Variants in MMP16 observed in about 807,000 individuals in gnomAD.
MMP16 encodes the protein matrix metallopeptidase 16.
MMP16 carries 12 observed loss-of-function variants against 67.8 expected under a neutral mutation model. The observed-to-expected ratio is 0.18, with a 90% CI of 0.11 to 0.29. The LOEUF is 0.29. Ranked by LOEUF, MMP16 falls within the 10% of genes least tolerant of loss-of-function variation. MMP16 has a pLI of 1.00. For synonymous variants in MMP16, 249 were observed against 255.9 expected, an observed-to-expected ratio of 0.97 and a Z score of 0.26; for missense variants, 475 against 765.7, an observed-to-expected ratio of 0.62 and a Z score of 4.48.
At chr8:88,208,470 G>T (rs1457725642) in intron 1 of MMP16, among the ~76,000 whole-genome samples, 1 of 151,990 alleles carries the variant, frequency 6.6e-6, no homozygotes, top group Non-Finnish European at 1.5e-5. Context: ...AAATTTCCTT[G>T]GTCACCAAGA....
chr8:88,188,561 T>C (rs1230143078), intron 2 of MMP16, among the ~76,000 whole-genome samples: 1 of 152,168 alleles, frequency 6.6e-6, no homozygotes, highest in Non-Finnish European at 1.5e-5. Context: ...CTTTAGTATG[T>C]ATAAAATTGA....
At chr8:88,061,685 G>A (rs1174126638) in intron 7 of MMP16, among the ~76,000 whole-genome samples, 2 of 151,768 alleles carry the variant, frequency 1.3e-5, no homozygotes, top group Admixed American at 1.3e-4. Context: ...GATAATGTGT[G>A]AAAAAAGAAA....
intron 1 of MMP16, among the ~76,000 whole-genome samples, chr8:88,284,014 C>T (rs1810784498): frequency 6.6e-6 from 1 of 152,198 alleles, no homozygotes; most frequent in Non-Finnish European, 1.5e-5. Context: ...GAGTCCTTGA[C>T]CTTTCATGAA....
chr8:88,052,180 C>A (rs766279510), intron 8 of MMP16, among the ~76,000 whole-genome samples: 8 of 152,156 alleles, frequency 5.3e-5, no homozygotes, highest in Non-Finnish European at 1.2e-4. Context: ...ACCTACTTGA[C>A]TTCTTCACTT....
intron 1 of MMP16, among the ~76,000 whole-genome samples, chr8:88,245,497 T>C (rs1297247024): frequency 6.6e-6 from 1 of 152,118 alleles, no homozygotes; most frequent in Non-Finnish European, 1.5e-5. Flanking sequence ...GCATTACCAC[T>C]AGAACTGCCT....
chr8:88,246,299 A>G (rs1418977151), intron 1 of MMP16, among the ~76,000 whole-genome samples: 1 of 152,202 alleles, frequency 6.6e-6, no homozygotes, highest in African/African-American at 2.4e-5. Context: ...TTCATTATAT[A>G]TAGAAAATTA....
chr8:88,119,319 G>A (rs1277403310), intron 4 of MMP16, among the ~76,000 whole-genome samples: 1 of 152,000 alleles, frequency 6.6e-6, no homozygotes, highest in Non-Finnish European at 1.5e-5. Flanking sequence ...GACAAGTCTT[G>A]TCAGGAACAG....
intron 1 of MMP16, among the ~76,000 whole-genome samples, chr8:88,312,562 T>C (rs1172699512): frequency 2.6e-5 from 4 of 152,132 alleles, no homozygotes; most frequent in African/African-American, 9.7e-5. Flanking sequence ...AATTAACATA[T>C]CCATTATCAG....
intron 1 of MMP16, among the ~76,000 whole-genome samples, chr8:88,272,505 G>C (rs930750190): frequency 4.7e-5 from 6 of 128,554 alleles, no homozygotes; most frequent in African/African-American, 1.6e-4. Flanking sequence ...TTAGGAGAGG[G>C]CTAAAACCTG....
intron 4 of MMP16, among the ~76,000 whole-genome samples, chr8:88,127,233 T>C (rs1220941582): frequency 1.3e-5 from 2 of 151,862 alleles, no homozygotes; most frequent in African/African-American, 4.8e-5. Flanking sequence ...GTGATTATTA[T>C]GTAGGAGATA....
chr8:88,083,995 T>A (rs1448508608), intron 6 of MMP16, among the ~76,000 whole-genome samples: 1 of 151,932 alleles, frequency 6.6e-6, no homozygotes, highest in Non-Finnish European at 1.5e-5. Context: ...TCCCTACTTT[T>A]CCCCCAATGG....
intron 1 of MMP16, among the ~76,000 whole-genome samples, chr8:88,257,131 T>C (rs139930378): frequency 1.8e-4 from 28 of 152,318 alleles, no homozygotes; most frequent in African/African-American, 5.3e-4. Flanking sequence ...GCTGAACATA[T>C]TGTTATTTCA....
intron 6 of MMP16, among the ~76,000 whole-genome samples, chr8:88,096,132 A>C (rs1231865862): frequency 6.6e-6 from 1 of 151,954 alleles, no homozygotes; most frequent in African/African-American, 2.4e-5. Context: ...TTTTGGTACA[A>C]ACTTATTTGG....
chr8:88,323,314 C>T (rs2130232939), intron 1 of MMP16, among the ~76,000 whole-genome samples: 1 of 152,182 alleles, frequency 6.6e-6, no homozygotes, highest in African/African-American at 2.4e-5. Flanking sequence ...CAAAAGTACC[C>T]AATGCAAACT....
chr8:88,125,180 G>C (rs1807906095), intron 4 of MMP16, among the ~76,000 whole-genome samples: 1 of 140,854 alleles, frequency 7.1e-6, no homozygotes. Context: ...AAGTCTGAAA[G>C]TCCTGGAGAT....
rs151314043 is a variant in MMP16, at chr8:88,323,350, A to C, written c.132+3725T>G. Reference sequence around the variant, plus strand: ...CTGACTTTTTAGGTACATGCAGGCAAACCTGACAAAGGTTTGAATAAATCT... The same window carrying C: ...CTGACTTTTTAGGTACATGCAGGCACACCTGACAAAGGTTTGAATAAATCT... On this transcript the variant is annotated intron_variant, in intron 1 of 9. Coordinates refer to ENST00000286614, the MANE Select transcript of MMP16 (RefSeq NM_005941.5). Among the ~76,000 whole-genome samples, 26 of 152,336 alleles carry C rather than the reference A, an allele frequency of 1.7e-4. No individual in the cohort carries two copies. The East Asian group carries it at 3.7e-3, about 21-fold the overall frequency.
At chr8:88,070,372 C>T (rs762760751) in intron 7 of MMP16, among the ~76,000 whole-genome samples, 1 of 152,110 alleles carries the variant, frequency 6.6e-6, no homozygotes, top group Non-Finnish European at 1.5e-5. Flanking sequence ...TGAGGTAAGG[C>T]CCTTTTCAAT....
chr8:88,286,167 G>T (rs925032436), intron 1 of MMP16, among the ~76,000 whole-genome samples: 1 of 152,082 alleles, frequency 6.6e-6, no homozygotes, highest in African/African-American at 2.4e-5. Flanking sequence ...CTGGCCCAGT[G>T]CACTACATCG....
intron 4 of MMP16, among the ~76,000 whole-genome samples, chr8:88,135,784 A>T (rs745315445): frequency 1.3e-5 from 2 of 151,922 alleles, no homozygotes; most frequent in Non-Finnish European, 2.9e-5. Flanking sequence ...ACAAAGGCAG[A>T]CAATATAAAA....
Sources: allele counts gnomAD v4.1 joint callset (sites outside exome capture counted in the v4.1 genomes callset), GRCh38; gene constraint gnomAD v4.1.1; transcripts MANE v1.5; gene names NCBI Gene and HGNC (gene_info 2026-07-23, HGNC 2026-07-21).